Variants in MAGI2 observed in about 807,000 individuals in gnomAD.
MAGI2 encodes membrane-associated guanylate kinase, WW and PDZ domain-containing protein 2.
Under a neutral mutation model 133.3 loss-of-function variants are expected in MAGI2, and 35 were observed. That is an observed-to-expected ratio of 0.26 (90% CI 0.20 to 0.35). MAGI2 has a LOEUF of 0.35. Ranked by LOEUF, MAGI2 falls within the 10% of genes least tolerant of loss-of-function variation. The pLI, the probability that MAGI2 is intolerant of heterozygous loss-of-function variation, is 1.00. For missense variants in MAGI2, 1,636 were observed against 1,863.4 expected (o/e 0.88, Z 2.25); for synonymous variants, 729 against 710.6 (o/e 1.03, Z -0.41).
intron 2 of MAGI2, among the ~76,000 whole-genome samples, chr7:78,804,534 G>A (rs967156805): frequency 2.8e-5 from 4 of 141,956 alleles, no homozygotes; most frequent in Admixed American, 1.4e-4. Context: ...GGATCATGAC[G>A]TCAGGAAATC....
intron 2 of MAGI2, among the ~76,000 whole-genome samples, chr7:78,665,522 C>T (rs372906943): frequency 3.3e-5 from 5 of 151,960 alleles, no homozygotes; most frequent in East Asian, 1.9e-4. Flanking sequence ...CAGAAGTGGT[C>T]CAAGGCTTTA....
intron 2 of MAGI2, among the ~76,000 whole-genome samples, chr7:78,866,292 G>A (rs1794546229): frequency 6.6e-6 from 1 of 152,162 alleles, no homozygotes. Context: ...TGGGAAGGAA[G>A]TCCAGATATG....
intron 2 of MAGI2, among the ~76,000 whole-genome samples, chr7:78,762,296 A>G (rs1194047320): frequency 6.6e-6 from 1 of 152,044 alleles, no homozygotes; most frequent in South Asian, 2.1e-4. Flanking sequence ...ATACAAAATT[A>G]GCCGGGCGTG....
chr7:79,371,061 T>C (rs1046226710), intron 1 of MAGI2, among the ~76,000 whole-genome samples: 3 of 152,120 alleles, frequency 2.0e-5, no homozygotes, highest in Non-Finnish European at 4.4e-5. Flanking sequence ...TTTCTACCAA[T>C]GTCTAATGAT....
chr7:79,442,032 T>C lies in MAGI2; in HGVS notation c.301+10988A>G, dbSNP rs547264253. On this transcript the variant is annotated intron_variant, in intron 1 of 21. Transcript: ENST00000354212. ...AATATAAGGTTATAATCCTGTGCAT[T>C]GTAACATTAATATTAGGATATTATC... Among the ~76,000 whole-genome samples, 275 of 152,262 alleles carry C rather than the reference T, an allele frequency of 1.8e-3. 1 individual carries two copies. Among genetic ancestry groups the C allele is most frequent in the African/African-American group, 6.1e-3 (252 of 41,544 alleles).
intron 1 of MAGI2, among the ~76,000 whole-genome samples, chr7:79,130,497 C>T (rs766569830): frequency 5.3e-5 from 8 of 152,146 alleles, no homozygotes; most frequent in Non-Finnish European, 7.3e-5. Flanking sequence ...AAGGATGCCG[C>T]GGCTAAGAAG....
Position 79,089,554 on chromosome 7 carries a change from C to T in MAGI2, c.302-82348G>A, listed in dbSNP as rs564815050. Among the ~76,000 whole-genome samples, 7 of 151,994 alleles carry T rather than the reference C, an allele frequency of 4.6e-5. No individual in the cohort carries two copies. The East Asian group carries it at 1.2e-3, about 25-fold the overall frequency. ...CAATAGCAAAGACTTTGAACCGACCCAAATGTCCATCAAAAAAAAAGACTG... is the reference window on the plus strand; with the variant it reads ...CAATAGCAAAGACTTTGAACCGACCTAAATGTCCATCAAAAAAAAAGACTG... On this transcript the variant is annotated intron_variant, in intron 1 of 21. Transcript: ENST00000354212.
At chr7:79,045,268 T>C (rs1812067904) in intron 1 of MAGI2, among the ~76,000 whole-genome samples, 1 of 152,186 alleles carries the variant, frequency 6.6e-6, no homozygotes, top group Non-Finnish European at 1.5e-5. Flanking sequence ...ATGATGGAAA[T>C]ATTTTACATC....
At chr7:78,767,737 T>C (rs1264092867) in intron 2 of MAGI2, among the ~76,000 whole-genome samples, 1 of 152,244 alleles carries the variant, frequency 6.6e-6, no homozygotes, top group Non-Finnish European at 1.5e-5. Flanking sequence ...GAAACTTAAT[T>C]GTTTTATCAA....
At chr7:78,954,240 C>G (rs766632422) in intron 2 of MAGI2, among the ~76,000 whole-genome samples, 5 of 152,080 alleles carry the variant, frequency 3.3e-5, no homozygotes, top group Admixed American at 6.6e-5. Flanking sequence ...ATGGAGAACC[C>G]CTTTTCAGCA....
intron 1 of MAGI2, among the ~76,000 whole-genome samples, chr7:79,378,580 A>G (rs368122619): frequency 6.6e-6 from 1 of 151,712 alleles, no homozygotes; most frequent in East Asian, 1.9e-4. Flanking sequence ...CACAGGAAAA[A>G]CTATCAAGGA....
At chr7:79,023,017 A>G (rs1232444439) in intron 1 of MAGI2, among the ~76,000 whole-genome samples, 2 of 152,156 alleles carry the variant, frequency 1.3e-5, no homozygotes, top group Non-Finnish European at 2.9e-5. Flanking sequence ...ATAAAAACTT[A>G]GCAGAGACAC....
At position 78,231,429 on chromosome 7, in the gene MAGI2, T is replaced by TCCAATCAGTA. The variant is rs574393031; in HGVS notation, c.2047+24504_2047+24513dup. Among the ~76,000 whole-genome samples the TCCAATCAGTA allele has an allele frequency of 2.9e-3, 446 of 152,302 alleles. 1 individual carries two copies. Among genetic ancestry groups the TCCAATCAGTA allele is most frequent in the Non-Finnish European group, 5.2e-3 (357 of 68,028 alleles). On this transcript the variant is annotated intron_variant, in intron 10 of 21. Transcript: ENST00000354212. ...CCTGCGCTCTAAATGCCAGTAAGAA[T>TCCAATCAGTA]CCAATCAGTACAACAATTGATGATA...
chr7:78,797,034 T>G (rs1787676331), intron 2 of MAGI2, among the ~76,000 whole-genome samples: 3 of 152,022 alleles, frequency 2.0e-5, no homozygotes, highest in Non-Finnish European at 1.5e-5. Flanking sequence ...AAAATACAGT[T>G]AGATAGAAGG....
chr7:78,332,009 C>G (rs1789255915), intron 9 of MAGI2, among the ~76,000 whole-genome samples: 1 of 152,134 alleles, frequency 6.6e-6, no homozygotes, highest in Non-Finnish European at 1.5e-5. Context: ...GATACCAATA[C>G]TGAAACTAGA....
chr7:78,069,098 A>T (rs1814168510), intron 21 of MAGI2, among the ~76,000 whole-genome samples: 1 of 152,182 alleles, frequency 6.6e-6, no homozygotes, highest in East Asian at 1.9e-4. Flanking sequence ...AGACAATGGG[A>T]GGAAAATCTA....
chr7:78,676,153 T>C (rs141534286), intron 2 of MAGI2, among the ~76,000 whole-genome samples: 1 of 152,268 alleles, frequency 6.6e-6, no homozygotes, highest in East Asian at 1.9e-4. Context: ...AAATCCATTA[T>C]AAAGAATGAG....
At chr7:79,109,558 T>C (rs571698636) in intron 1 of MAGI2, among the ~76,000 whole-genome samples, 8 of 152,332 alleles carry the variant, frequency 5.3e-5, no homozygotes, top group South Asian at 2.1e-4. Flanking sequence ...GGAGCAAATA[T>C]ATAACTTAAA....
intron 21 of MAGI2, among the ~76,000 whole-genome samples, chr7:78,064,941 A>G (rs1029936353): frequency 3.9e-5 from 6 of 152,216 alleles, no homozygotes; most frequent in Admixed American, 3.3e-4. Context: ...TCCTTTTGAA[A>G]CAGTAGCGAA....
Sources: allele counts gnomAD v4.1 joint callset (sites outside exome capture counted in the v4.1 genomes callset), GRCh38; gene constraint gnomAD v4.1.1; transcripts MANE v1.5; gene names NCBI Gene and HGNC (gene_info 2026-07-23, HGNC 2026-07-21).